The following MBP variants were observed in gnomAD, a reference collection of about 807,000 sequenced individuals.
MBP encodes myelin basic protein.
Under a neutral mutation model 35.8 loss-of-function variants are expected in MBP, and 16 were observed. The ratio of observed to expected loss-of-function variants is 0.45; its 90% CI spans 0.30 to 0.68. The LOEUF (loss-of-function observed/expected upper bound fraction) is 0.68. MBP is among the 30% of genes least tolerant of loss of function. The pLI is 0.08. For missense variants in MBP, 380 were observed against 404.7 expected (o/e 0.94, Z 0.52); for synonymous variants, 143 against 159.6 (o/e 0.90, Z 0.78).
intron 4 of MBP, chr18:77,010,091 A>C (rs755563968): frequency 2.4e-5 from 15 of 615,432 alleles, no homozygotes; most frequent in Admixed American, 1.0e-4. Flanking sequence ...AGAAGAAGGC[A>C]TGTGCAGATG....
At chr18:77,042,770 C>T (rs2144636438) in intron 3 of MBP, among the ~76,000 whole-genome samples, 1 of 152,364 alleles carries the variant, frequency 6.6e-6, no homozygotes, top group African/African-American at 2.4e-5. Flanking sequence ...CAACACCCAG[C>T]AAGCGCCTGC....
At chr18:77,011,693 G>A (rs760205665) in intron 4 of MBP, among the ~76,000 whole-genome samples, 10 of 152,204 alleles carry the variant, frequency 6.6e-5, no homozygotes, top group South Asian at 2.1e-4. Context: ...TGCTAAGCCC[G>A]CTTGTATGGG....
intron 1 of MBP, among the ~76,000 whole-genome samples, chr18:77,118,538 G>A (rs1976770711): frequency 6.6e-6 from 1 of 151,760 alleles, no homozygotes; most frequent in African/African-American, 2.4e-5. Flanking sequence ...AGGGTTCACA[G>A]ACAGAGACAG....
intron 2 of MBP, among the ~76,000 whole-genome samples, chr18:77,091,520 G>A (rs1975519458): frequency 6.6e-6 from 1 of 152,136 alleles, no homozygotes; most frequent in African/African-American, 2.4e-5. Context: ...CTAGGGCTGA[G>A]TGCGGGAAGA....
At chr18:77,018,187 AC>A (rs1159734124) in intron 3 of MBP, among the ~76,000 whole-genome samples, 1 of 151,240 alleles carries the variant, frequency 6.6e-6, no homozygotes. Flanking sequence ...ACACACACCC[AC>A]CTACCCATCC....
intron 4 of MBP, among the ~76,000 whole-genome samples, chr18:76,999,358 G>C (rs527969804): frequency 6.6e-6 from 1 of 152,098 alleles, no homozygotes; most frequent in Non-Finnish European, 1.5e-5. Context: ...TCTGAGCTGC[G>C]GCCCCAGGAA....
intron 2 of MBP, chr18:77,069,013 TC>T: frequency 2.1e-6 from 1 of 484,216 alleles, no homozygotes; most frequent in Non-Finnish European, 4.1e-6. Flanking sequence ...GCTTCCAGGC[TC>T]CCAGCAGCCT....
intron 3 of MBP, among the ~76,000 whole-genome samples, chr18:77,057,844 T>TTTTTTTTTTTTTTG (rs71172399): frequency 9.9e-5 from 1 of 10,104 alleles, no homozygotes; most frequent in East Asian, 5.0e-3. Flanking sequence ...TTTTTTTTTT[T>TTTTTTTTTTTTTTG]GAGACGGAGT....
intron 3 of MBP, among the ~76,000 whole-genome samples, chr18:77,022,219 G>C (rs1268664172): frequency 6.6e-6 from 1 of 152,180 alleles, no homozygotes; most frequent in Non-Finnish European, 1.5e-5. Flanking sequence ...TTTGCCAACA[G>C]CAAAGTGTAA....
intron 3 of MBP, among the ~76,000 whole-genome samples, chr18:77,041,118 G>A (rs535487793): frequency 6.6e-6 from 1 of 152,244 alleles, no homozygotes; most frequent in Admixed American, 6.5e-5. Context: ...ATGGGCAAAG[G>A]ATATGAACAG....
chr18:77,037,205 T>C (rs1434066759), intron 3 of MBP, among the ~76,000 whole-genome samples: 1 of 149,120 alleles, frequency 6.7e-6, no homozygotes, highest in Admixed American at 6.7e-5. Flanking sequence ...GAGACAGAGC[T>C]GAGCAAGTGC....
chr18:77,013,605 G>T, intron 4 of MBP: 1 of 985,300 alleles, frequency 1.0e-6, no homozygotes, highest in Non-Finnish European at 1.2e-6. Context: ...GCAATTAGAG[G>T]CATAGAAGTC....
rs777120967 is a variant in MBP at position 76,988,831 on chromosome 18, G to C, written c.717+46C>G. 5 of 1,577,598 alleles carry C rather than the reference G, an allele frequency of 3.2e-6. No homozygotes were observed. The African/African-American group carries it at 6.8e-5, about 21-fold the overall frequency. On this transcript the variant is annotated intron_variant, in intron 6 of 8. Transcript: ENST00000355994. This position sits in a 1 kb window ranked among gnomAD's most constrained non-coding sequence, Gnocchi z 5.2. ...GGTACATTATGGGATTTTAGAGAAG[G>C]TCTATCAGAAAAGTGATGATCAATC...
Position 77,060,468 on chromosome 18 carries a change from T to TTTTTTTTTA in MBP, c.139+5829_139+5830insTAAAAAAAA, listed in dbSNP as rs11422817. 1.3e-4 allele frequency among the ~76,000 whole-genome samples: 17 copies of TTTTTTTTTA among 133,024 alleles called. 1 individual carries two copies. The highest frequency in any genetic ancestry group is 3.8e-4 in the African/African-American group (11 of 29,084). 87.3% of individuals were successfully genotyped at this position (133,024 alleles called of 152,430 possible). On this transcript the variant is annotated intron_variant, in intron 3 of 8. Coordinates refer to ENST00000355994, the MANE Select transcript of MBP (RefSeq NM_001025101.2). ...CTCTCCTTTTTTTTTTTTTTTTTTT[T>TTTTTTTTTA]ATGAGGCGGAGTTTTGCTCTTGTTG... is the stretch of plus-strand genomic sequence containing the variant.
intron 3 of MBP, among the ~76,000 whole-genome samples, chr18:77,028,908 A>G (rs1310174382): frequency 9.5e-6 from 1 of 105,576 alleles, no homozygotes; most frequent in Non-Finnish European, 2.3e-5. Context: ...GCGGCCGGGC[A>G]GAGACTCTCC....
rs774708127 is a variant in MBP at position 76,988,959 on chromosome 18, G to A, written c.682-47C>T. The A allele has an allele frequency of 5.0e-6, 8 of 1,594,200 alleles. No individual in the cohort carries two copies. Among genetic ancestry groups the A allele is most frequent in the Admixed American group, 1.7e-5 (1 of 59,974 alleles). On this transcript the variant is annotated intron_variant, in intron 5 of 8. Transcript: ENST00000355994. This position sits in a 1 kb window ranked among gnomAD's most constrained non-coding sequence, Gnocchi z 5.2. ...TGGGCTGCACTGGGAGCCCTGTGCC[G>A]CCGTCCATTTCCTAACGGGCTCCTG... is the stretch of plus-strand genomic sequence containing the variant.
intron 3 of MBP, among the ~76,000 whole-genome samples, chr18:77,049,713 C>T (rs559584610): frequency 6.6e-6 from 1 of 152,136 alleles, no homozygotes; most frequent in African/African-American, 2.4e-5. Flanking sequence ...TGGAGTCTCG[C>T]TCTGTGGCCC....
At chr18:77,112,465 GA>G (rs923232902) in intron 1 of MBP, 1 of 152,248 alleles carries the variant, frequency 6.6e-6, no homozygotes, top group Admixed American at 6.5e-5. Flanking sequence ...AACGGGGAGG[GA>G]GATGCAGAAG....
intron 2 of MBP, among the ~76,000 whole-genome samples, chr18:77,079,919 C>G (rs1974822049): frequency 6.6e-6 from 1 of 152,174 alleles, no homozygotes. Flanking sequence ...CTGCAACTCT[C>G]TCCGGGATTG....
Sources: allele counts gnomAD v4.1 joint callset (sites outside exome capture counted in the v4.1 genomes callset), GRCh38; gene constraint gnomAD v4.1.1; non-coding constraint Gnocchi (gnomAD v3.1); transcripts MANE v1.5; gene names NCBI Gene and HGNC (gene_info 2026-07-23, HGNC 2026-07-21).